NRF1: variants seen among roughly 807,000 people sequenced by gnomAD.
The protein encoded by NRF1 is nuclear respiratory factor 1, also known as alpha palindromic-binding protein.
A neutral mutation model predicts 58.5 loss-of-function variants in NRF1; 5 were observed. The observed-to-expected ratio is 0.09, with a 90% confidence interval of 0.04 to 0.18. The LOEUF (loss-of-function observed/expected upper bound fraction) is 0.18, where lower values mean the gene tolerates loss of function less well. Among genes scored for constraint, NRF1 ranks in the 10% least tolerant of loss-of-function variants. NRF1 has a pLI of 1.00. For missense variants in NRF1, 288 were observed against 657.7 expected (o/e 0.44, Z 6.15); for synonymous variants, 224 against 246.7 (o/e 0.91, Z 0.86).
intron 1 of NRF1, among the ~76,000 whole-genome samples, chr7:129,655,522 C>CTT (rs35659044): frequency 5.4e-4 from 80 of 148,852 alleles, no homozygotes; most frequent in African/African-American, 6.7e-4. Context: ...TCTTCCTGAT[C>CTT]TTTTTTTTTT....
chr7:129,739,601 G>A (rs1584687418), intron 10 of NRF1, among the ~76,000 whole-genome samples: 1 of 152,134 alleles, frequency 6.6e-6, no homozygotes, highest in Middle Eastern at 3.4e-3. Flanking sequence ...TAAACAGCAG[G>A]GTGGGAGGGT....
intron 1 of NRF1, among the ~76,000 whole-genome samples, chr7:129,628,380 T>A (rs552887557): frequency 7.7e-4 from 117 of 152,214 alleles, no homozygotes; most frequent in Non-Finnish European, 1.4e-3. Flanking sequence ...TTTATTTATG[T>A]ATGTTATAAC....
chr7:129,732,238 A>G (rs1803597912), intron 10 of NRF1, among the ~76,000 whole-genome samples: 1 of 152,222 alleles, frequency 6.6e-6, no homozygotes, highest in Non-Finnish European at 1.5e-5. Context: ...GAGAAGGATT[A>G]TATTGGGACT....
At chr7:129,684,169 GA>G (rs568640336) in intron 4 of NRF1, among the ~76,000 whole-genome samples, 188 of 152,190 alleles carry the variant, frequency 1.2e-3, no homozygotes, top group African/African-American at 4.4e-3. Context: ...AAACGTGAAA[GA>G]AATGAATGAG....
Position 129,732,596 on chromosome 7 carries a change from G to T in NRF1, c.1348+5231G>T, listed in dbSNP as rs569109134. On this transcript the variant is annotated intron_variant, in intron 10 of 10. Coordinates refer to ENST00000393232, the MANE Select transcript of NRF1 (RefSeq NM_005011.5). The stretch of plus-strand genomic sequence containing the variant: ...GTTTTTTTGGGTTTTGTCCTTTGGG[G>T]TTTTTGTTTGTTTGTTTGTTTTTGA... 8.1e-3 allele frequency among the ~76,000 whole-genome samples: 257 copies of T among 31,586 alleles called. 1 individual carries two copies. The highest frequency in any genetic ancestry group is 0.017 in the South Asian group (15 of 900). 20.7% of individuals were successfully genotyped at this position (31,586 alleles called of 152,430 possible).
intron 1 of NRF1, among the ~76,000 whole-genome samples, chr7:129,621,931 C>T (rs1054260594): frequency 1.3e-5 from 2 of 151,790 alleles, no homozygotes; most frequent in African/African-American, 2.4e-5. Flanking sequence ...TACAGGCACC[C>T]GCCACCATGC....
chr7:129,721,798 T>A (rs932007423), intron 9 of NRF1, among the ~76,000 whole-genome samples: 1 of 152,100 alleles, frequency 6.6e-6, no homozygotes, highest in Non-Finnish European at 1.5e-5. Context: ...GTCTTTAAGA[T>A]GAAATATTAT....
intron 1 of NRF1, among the ~76,000 whole-genome samples, chr7:129,634,484 A>G (rs1309111248): frequency 6.6e-6 from 1 of 152,150 alleles, no homozygotes; most frequent in Non-Finnish European, 1.5e-5. Flanking sequence ...AGCAATATGT[A>G]TTTAATGGCT....
chr7:129,714,603 T>C (rs1186437241), intron 8 of NRF1, among the ~76,000 whole-genome samples: 2 of 152,234 alleles, frequency 1.3e-5, no homozygotes, highest in African/African-American at 2.4e-5. Context: ...AGCAAGAGCT[T>C]TGGAGTTCCT....
intron 1 of NRF1, among the ~76,000 whole-genome samples, chr7:129,649,405 T>C (rs1175533303): frequency 6.6e-6 from 1 of 152,232 alleles, no homozygotes; most frequent in Non-Finnish European, 1.5e-5. Flanking sequence ...GATAATGCTA[T>C]TGATTAGACT....
chr7:129,746,087 T>C (rs1803969578), intron 10 of NRF1, among the ~76,000 whole-genome samples: 1 of 152,222 alleles, frequency 6.6e-6, no homozygotes, highest in Non-Finnish European at 1.5e-5. Flanking sequence ...GTGAGGCTGC[T>C]CTTGGCTTCA....
intron 4 of NRF1, among the ~76,000 whole-genome samples, chr7:129,690,024 G>T (rs971388890): frequency 5.3e-5 from 8 of 152,168 alleles, no homozygotes; most frequent in South Asian, 2.1e-4. Context: ...AATGATTTTG[G>T]TGATGAGCTG....
At chr7:129,753,277 A>C (rs1481274676) in intron 10 of NRF1, among the ~76,000 whole-genome samples, 2 of 152,214 alleles carry the variant, frequency 1.3e-5, no homozygotes, top group African/African-American at 4.8e-5. Context: ...GGTGAACCTC[A>C]GAGGCCCAGT....
chr7:129,638,460 A>G (rs970173743), intron 1 of NRF1, among the ~76,000 whole-genome samples: 2 of 152,222 alleles, frequency 1.3e-5, no homozygotes, highest in African/African-American at 4.8e-5. Flanking sequence ...AGCCAGCTGC[A>G]GGACATCCAT....
At chr7:129,731,014 G>A (rs1562986571) in intron 10 of NRF1, among the ~76,000 whole-genome samples, 2 of 151,522 alleles carry the variant, frequency 1.3e-5, no homozygotes, top group Non-Finnish European at 2.9e-5. Flanking sequence ...GCTCACACCT[G>A]TAATCCCACT....
chr7:129,705,561 G>T (rs571670332), intron 5 of NRF1, among the ~76,000 whole-genome samples: 3 of 152,246 alleles, frequency 2.0e-5, no homozygotes, highest in Non-Finnish European at 4.4e-5. Context: ...AGAGTGCTGG[G>T]ATTACAGGCG....
chr7:129,709,502 G>T (rs906821475), intron 6 of NRF1, among the ~76,000 whole-genome samples: 2 of 152,050 alleles, frequency 1.3e-5, no homozygotes, highest in Non-Finnish European at 2.9e-5. Flanking sequence ...AAGTGCTTGG[G>T]AAAGTCAAAG....
intron 5 of NRF1, among the ~76,000 whole-genome samples, chr7:129,695,491 G>C (rs1383512365): frequency 1.3e-5 from 2 of 151,198 alleles, no homozygotes; most frequent in East Asian, 1.9e-4. Context: ...CAGAAGAATC[G>C]CTTCACCCTG....
chr7:129,673,660 T>TG (rs1310426289), intron 3 of NRF1, among the ~76,000 whole-genome samples: 1 of 131,910 alleles, frequency 7.6e-6, no homozygotes, highest in Non-Finnish European at 1.5e-5. Context: ...GAGCTTGCAG[T>TG]GAGCGGAGAT....
Sources: gnomAD v4.1 joint callset for allele counts (sites outside exome capture counted in the v4.1 genomes callset) on GRCh38, gnomAD v4.1.1 for gene constraint, MANE v1.5 for transcripts, NCBI Gene and HGNC (gene_info 2026-07-23, HGNC 2026-07-21) for gene names.